The following GPR137B variants were observed in gnomAD, a reference collection of about 807,000 sequenced individuals.
GPR137B encodes G protein-coupled receptor 137B.
In GPR137B, 42 loss-of-function variants were observed where a neutral mutation model predicts 42.5. The ratio of observed to expected loss-of-function variants is 0.99; its 90% CI spans 0.77 to 1.28. The LOEUF is 1.28. Ranked by LOEUF, GPR137B falls within the 50% of genes most tolerant of loss-of-function variation. The pLI is 0.00. For missense variants in GPR137B, 487 were observed against 493.9 expected, an observed-to-expected ratio of 0.99 and a Z score of 0.13; for synonymous variants, 218 against 209.7, an observed-to-expected ratio of 1.04 and a Z score of -0.34.
At chr1:236,149,850 C>G (rs917856610) in intron 1 of GPR137B, among the ~76,000 whole-genome samples, 10 of 152,212 alleles carry the variant, frequency 6.6e-5, no homozygotes, top group Non-Finnish European at 1.2e-4. Context: ...AGGTGTGCGC[C>G]TTTGTATGTG....
intron 2 of GPR137B, among the ~76,000 whole-genome samples, chr1:236,176,020 G>A (rs1290594008): frequency 1.3e-5 from 2 of 152,166 alleles, no homozygotes; most frequent in African/African-American, 2.4e-5. Context: ...AGCAAAGAGT[G>A]TGTCATAGAA....
chr1:236,175,167 G>A (rs868671218), intron 2 of GPR137B, among the ~76,000 whole-genome samples: 5 of 152,136 alleles, frequency 3.3e-5, no homozygotes, highest in African/African-American at 7.2e-5. Context: ...ATTCCAACCT[G>A]GGTGACACAG....
At chr1:236,194,540 C>T (rs540439646) in intron 5 of GPR137B, among the ~76,000 whole-genome samples, 1 of 152,158 alleles carries the variant, frequency 6.6e-6, no homozygotes, top group African/African-American at 2.4e-5. Context: ...CACCTCTGTT[C>T]ATGTTCTATT....
At chr1:236,160,810 C>T (rs1380960118) in intron 1 of GPR137B, among the ~76,000 whole-genome samples, 1 of 152,156 alleles carries the variant, frequency 6.6e-6, no homozygotes, top group East Asian at 1.9e-4. Flanking sequence ...GACACCCTGA[C>T]TGTCTCCTGC....
intron 1 of GPR137B, among the ~76,000 whole-genome samples, chr1:236,149,147 C>T (rs1661765262): frequency 6.6e-6 from 1 of 152,212 alleles, no homozygotes; most frequent in Non-Finnish European, 1.5e-5. Flanking sequence ...TGCCCTTTTC[C>T]AGCCTACTGT....
Position 236,155,096 on chromosome 1 carries a change from A to C in GPR137B, c.414+12060A>C, listed in dbSNP as rs1297455018. Among the ~76,000 whole-genome samples the C allele has an allele frequency of 6.6e-6, 1 of 151,962 alleles. No homozygotes were observed. The highest frequency in any genetic ancestry group is 6.6e-5 in the Admixed American group (1 of 15,264). Reference sequence around the variant, plus strand: ...CCTGCCAGGGAGGCAGGTCAGAATTATTTGCCTCCACCTCTGTGCGGAACT... The same window carrying C: ...CCTGCCAGGGAGGCAGGTCAGAATTCTTTGCCTCCACCTCTGTGCGGAACT... On this transcript the variant is annotated intron_variant, in intron 1 of 6. Coordinates refer to ENST00000366592, the MANE Select transcript of GPR137B (RefSeq NM_003272.4). This position sits in a 1 kb window ranked among gnomAD's most constrained non-coding sequence, Gnocchi z 4.6.
At chr1:236,149,995 ATGTGTGCCTGTGTGTGTGCCTGTG>A (rs930615082) in intron 1 of GPR137B, among the ~76,000 whole-genome samples, 4 of 146,036 alleles carry the variant, frequency 2.7e-5, no homozygotes, top group African/African-American at 7.7e-5. Context: ...GGGTTTGTGT[ATGTGTGCCTGTGTGTGTGCCTGTG>A]TGTGTACCTG....
In GPR137B at chr1:236,157,284, G is replaced by A. The variant is rs1217347793; in HGVS notation, c.415-11422G>A. On this transcript the variant is annotated intron_variant, in intron 1 of 6. Coordinates refer to ENST00000366592, the MANE Select transcript of GPR137B (RefSeq NM_003272.4). ...CAGTCGCCCAGGCTGGAGTGCAGTG[G>A]CGCGATCTCTGCTCACTGCAAGCTC... Among the ~76,000 whole-genome samples, 3 of 151,150 alleles carry A rather than the reference G, an allele frequency of 2.0e-5. No individual in the cohort carries two copies. The East Asian group carries it at 5.8e-4, about 29-fold the overall frequency.
chr1:236,178,347 C>T (rs1662750522), intron 2 of GPR137B, 67 bp from the exon 3 acceptor site: 1 of 929,852 alleles, frequency 1.1e-6, no homozygotes, highest in South Asian at 1.4e-5. Flanking sequence ...TTCACCAAAA[C>T]ACATCTCAGT....
Position 236,142,631 on chromosome 1 carries a change from CGAGCGTCCCCGGCCGCGCGG to C in GPR137B, c.10_29del (p.Glu4GlnfsTer188). On this transcript the variant is annotated frameshift_variant, in exon 1 of 7. Transcript: ENST00000366592. LOFTEE classifies it high-confidence loss of function. ...GGCGGCCGTGAGCCCCGATGAGGCCCGAGCGTCCCCGGCCGCGCGGCAGCGCCCCCGGCCCGATGGAGACC... is the reference window on the plus strand; with the variant it reads ...GGCGGCCGTGAGCCCCGATGAGGCCCCAGCGCCCCCGGCCCGATGGAGACC... 1.4e-6 allele frequency: 2 copies of C among 1,468,592 alleles called. No individual in the cohort carries two copies. Among genetic ancestry groups the C allele is most frequent in the Non-Finnish European group, 1.8e-6 (2 of 1,118,782 alleles). 91.0% of individuals were successfully genotyped at this position (1,468,592 alleles called of 1,614,324 possible). A position where few individuals can be genotyped will look rare whatever the true frequency, so the allele number is the denominator to read the frequency against.
intron 2 of GPR137B, among the ~76,000 whole-genome samples, chr1:236,172,993 G>C (rs1026927014): frequency 6.6e-6 from 1 of 151,312 alleles, no homozygotes; most frequent in African/African-American, 2.4e-5. Context: ...TGCCTGGCAT[G>C]CTTTTCCCTT....
At chr1:236,180,931 T>C (rs1028342543) in intron 4 of GPR137B, among the ~76,000 whole-genome samples, 1 of 152,230 alleles carries the variant, frequency 6.6e-6, no homozygotes, top group Admixed American at 6.5e-5. Context: ...TTAATTTTTT[T>C]AACATGCTTC....
intron 4 of GPR137B, 131 bp from the exon 5 acceptor site, chr1:236,183,647 T>C (rs910464308): frequency 2.0e-5 from 12 of 592,492 alleles, no homozygotes; most frequent in East Asian, 8.6e-5. Flanking sequence ...TATTCGGTAG[T>C]ACATTCTAAA....
rs140777942 is a variant in GPR137B, at chr1:236,150,081, G to A, written c.414+7045G>A. On this transcript the variant is annotated intron_variant, in intron 1 of 6. Coordinates refer to ENST00000366592, the MANE Select transcript of GPR137B (RefSeq NM_003272.4). This position sits in a 1 kb window ranked among gnomAD's most constrained non-coding sequence, Gnocchi z 6.2. ...CCTGTGTCTGTGTGGGTCTCTGAGT[G>A]TCTGTGCATGTGTGTGTCTGTGCCT... 0.022 allele frequency among the ~76,000 whole-genome samples: 3,201 copies of A among 148,380 alleles called. 58 individuals are homozygous for A. The highest frequency in any genetic ancestry group is 0.039 in the Middle Eastern group (11 of 280).
intron 1 of GPR137B, among the ~76,000 whole-genome samples, chr1:236,145,027 C>T (rs1298212375): frequency 6.6e-6 from 1 of 152,240 alleles, no homozygotes; most frequent in Non-Finnish European, 1.5e-5. Flanking sequence ...AGTCACGGCC[C>T]TGTACTCTTT....
chr1:236,144,087 T>C (rs1362417733), intron 1 of GPR137B, among the ~76,000 whole-genome samples: 2 of 13,836 alleles, frequency 1.4e-4, no homozygotes, highest in South Asian at 2.5e-3. Context: ...TTTAAGTGTC[T>C]TTTTTTTTTT....
chr1:236,184,227 T>C (rs1440758257), intron 5 of GPR137B, among the ~76,000 whole-genome samples: 1 of 152,186 alleles, frequency 6.6e-6, no homozygotes, highest in Non-Finnish European at 1.5e-5. Context: ...GAACCAAGTA[T>C]AGAAGCTTCT....
chr1:236,146,688 T>C (rs1571954981), intron 1 of GPR137B, among the ~76,000 whole-genome samples: 1 of 152,188 alleles, frequency 6.6e-6, no homozygotes, highest in African/African-American at 2.4e-5. Context: ...CATCTGAGGG[T>C]AATGCGATCA....
chr1:236,202,105 C>T (rs1254196176), intron 5 of GPR137B, among the ~76,000 whole-genome samples: 4 of 152,020 alleles, frequency 2.6e-5, no homozygotes, highest in Non-Finnish European at 1.5e-5. Flanking sequence ...AATTCATCTT[C>T]AGATCTCCCA....
Sources: allele counts gnomAD v4.1 joint callset (sites outside exome capture counted in the v4.1 genomes callset), GRCh38; gene constraint gnomAD v4.1.1; non-coding constraint Gnocchi (gnomAD v3.1); transcripts MANE v1.5; gene names NCBI Gene and HGNC (gene_info 2026-07-23, HGNC 2026-07-21).